Variants in CUX1 observed in about 807,000 individuals in gnomAD.
CUX1 encodes cut like homeobox 1.
CUX1 carries 31 observed loss-of-function variants against 158.8 expected under a neutral mutation model. The ratio of observed to expected loss-of-function variants is 0.20; its 90% CI spans 0.15 to 0.26. The LOEUF is 0.26. CUX1 is among the 10% of genes least tolerant of loss of function. The pLI, the probability that CUX1 is intolerant of heterozygous loss-of-function variation, is 1.00. For synonymous variants in CUX1, 879 were observed against 862.1 expected (o/e 1.02, Z -0.34); for missense variants, 1,589 against 2,014.6 (o/e 0.79, Z 4.04).
At chr7:102,189,593 T>C (rs1407492149) in intron 11 of CUX1, among the ~76,000 whole-genome samples, 3 of 152,134 alleles carry the variant, frequency 2.0e-5, no homozygotes, top group African/African-American at 7.2e-5. Flanking sequence ...GTTACAACCT[T>C]ACAGCATCCC....
Position 102,193,909 on chromosome 7 carries a change from T to C in CUX1, c.1125+19T>C, listed in dbSNP as rs141156311. ...GACACAGGTACGTGTCTCACCTCAA[T>C]GGTCAGCACTAGCATCAGCCCCGCT... On this transcript the variant is annotated intron_variant, in intron 13 of 23. Transcript: ENST00000292535. 6.2e-6 allele frequency: 10 copies of C among 1,613,462 alleles called. No individual in the cohort carries two copies. In the African/African-American group the frequency reaches 6.7e-5, roughly 11 times the overall value.
chr7:101,870,767 A>G (rs1412928318), intron 1 of CUX1, among the ~76,000 whole-genome samples: 1 of 152,182 alleles, frequency 6.6e-6, no homozygotes, highest in Admixed American at 6.6e-5. Flanking sequence ...TTTGTGGTCT[A>G]GTTTTCATTT....
chr7:102,020,643 G>A (rs1272416535), intron 2 of CUX1, among the ~76,000 whole-genome samples: 1 of 152,186 alleles, frequency 6.6e-6, no homozygotes, highest in South Asian at 2.1e-4. Context: ...ACTTTAGGAG[G>A]CCAAGGCAGG....
In CUX1 at chr7:102,104,056, C is replaced by A. The variant is rs543062459; in HGVS notation, c.407-280C>A. On this transcript the variant is annotated intron_variant, in intron 5 of 23. Transcript: ENST00000292535. ...GATATTTTACCATTGATTTCCATCT[C>A]CCCCCACCCTTTTTTTTCTTTAACT... Among the ~76,000 whole-genome samples, 4 of 152,180 alleles carry A rather than the reference C, an allele frequency of 2.6e-5. No homozygotes were observed. In the East Asian group the frequency reaches 7.7e-4, roughly 29 times the overall value.
At position 102,070,441 on chromosome 7, in the gene CUX1, A is replaced by G. The variant is rs1453580524; in HGVS notation, c.268+24A>G. 1.9e-6 allele frequency: 3 copies of G among 1,571,438 alleles called. No individual in the cohort carries two copies. The African/African-American group carries it at 4.1e-5, about 22-fold the overall frequency. On this transcript the variant is annotated intron_variant, in intron 4 of 23. Coordinates refer to ENST00000292535, the MANE Select transcript of CUX1 (RefSeq NM_181552.4). ...AGGTAAGCCCCGGCAGTAATGGCCC[A>G]CCAGTGGGGGGCGTTGTGTCTGGTG...
intron 1 of CUX1, among the ~76,000 whole-genome samples, chr7:101,878,995 C>T (rs1318439327): frequency 6.6e-6 from 1 of 152,180 alleles, no homozygotes; most frequent in Non-Finnish European, 1.5e-5. Context: ...GTAGAAGTAA[C>T]TATGGTATTT....
chr7:101,914,376 C>CTCCCTCCCTCCCTCCCTCCT (rs1803904254), intron 1 of CUX1, among the ~76,000 whole-genome samples: 2 of 101,322 alleles, frequency 2.0e-5, no homozygotes, highest in Admixed American at 2.2e-4. Context: ...CCTTCCCTCC[C>CTCCCTCCCTCCCTCCCTCCT]TCCCTCCCTC....
chr7:101,929,041 G>C (rs1805984665), intron 2 of CUX1, among the ~76,000 whole-genome samples: 1 of 151,976 alleles, frequency 6.6e-6, no homozygotes, highest in African/African-American at 2.4e-5. Context: ...CACTTTGGGA[G>C]GCTGAGGCTG....
At chr7:101,953,051 C>T (rs904864160) in intron 2 of CUX1, among the ~76,000 whole-genome samples, 4 of 152,002 alleles carry the variant, frequency 2.6e-5, no homozygotes, top group Non-Finnish European at 4.4e-5. Context: ...GGCTTCTGGC[C>T]GCCCTGCCCG....
chr7:101,922,760 G>A (rs1805101963), intron 2 of CUX1, among the ~76,000 whole-genome samples: 1 of 152,216 alleles, frequency 6.6e-6, no homozygotes, highest in Admixed American at 6.5e-5. Flanking sequence ...CTTGGGCTGG[G>A]TGCTGGGGAG....
At chr7:102,280,987 C>T in intron 20 of CUX1, 1 of 804,180 alleles carries the variant, frequency 1.2e-6, no homozygotes, top group East Asian at 2.6e-5. Flanking sequence ...GCTGTGTGAT[C>T]TGGGACAGGG....
chr7:102,007,729 G>A (rs952751210), intron 2 of CUX1, among the ~76,000 whole-genome samples: 5 of 150,362 alleles, frequency 3.3e-5, no homozygotes, highest in African/African-American at 1.2e-4. Flanking sequence ...CACCTCTGGT[G>A]TTTTTTTTGT....
downstream of CUX1, among the ~76,000 whole-genome samples, chr7:102,261,245 G>T (rs1211221698): frequency 6.6e-6 from 1 of 152,222 alleles, no homozygotes; most frequent in Non-Finnish European, 1.5e-5. Flanking sequence ...TATAATCCCA[G>T]CACTTTGGGA....
At chr7:101,889,053 G>T (rs1800561589) in intron 1 of CUX1, among the ~76,000 whole-genome samples, 1 of 151,334 alleles carries the variant, frequency 6.6e-6, no homozygotes, top group Non-Finnish European at 1.5e-5. Context: ...ATTGCTTGAG[G>T]TCAAGGGTTC....
At chr7:102,183,011 C>G (rs1238083543) in intron 11 of CUX1, among the ~76,000 whole-genome samples, 2 of 152,126 alleles carry the variant, frequency 1.3e-5, no homozygotes, top group African/African-American at 2.4e-5. Context: ...GCTTCTCTTT[C>G]CCCACTCCTG....
At chr7:102,175,094 T>C (rs1792162510) in intron 10 of CUX1, among the ~76,000 whole-genome samples, 1 of 152,228 alleles carries the variant, frequency 6.6e-6, no homozygotes, top group Admixed American at 6.5e-5. Context: ...AAGGAGGAGT[T>C]TGTGGCTTGA....
intron 23 of CUX1, among the ~76,000 whole-genome samples, chr7:102,243,188 C>T (rs1482309199): frequency 6.6e-6 from 1 of 152,056 alleles, no homozygotes; most frequent in Non-Finnish European, 1.5e-5. Context: ...GCAAGAGAAT[C>T]GCCTGAACCT....
At chr7:101,868,127 G>A (rs983084897) in intron 1 of CUX1, among the ~76,000 whole-genome samples, 3 of 152,160 alleles carry the variant, frequency 2.0e-5, no homozygotes, top group African/African-American at 7.2e-5. Context: ...GATTACAGGC[G>A]AGCTTTTCTC....
At chr7:101,963,879 T>G (rs1810813917) in intron 2 of CUX1, among the ~76,000 whole-genome samples, 1 of 152,088 alleles carries the variant, frequency 6.6e-6, no homozygotes, top group Non-Finnish European at 1.5e-5. Flanking sequence ...TGCGAACTCC[T>G]TACCTCAAGT....
Sources: allele counts gnomAD v4.1 joint callset (sites outside exome capture counted in the v4.1 genomes callset), GRCh38; gene constraint gnomAD v4.1.1; transcripts MANE v1.5; gene names NCBI Gene and HGNC (gene_info 2026-07-23, HGNC 2026-07-21).